The following NDST3 variants were observed in gnomAD, a reference collection of about 807,000 sequenced individuals.
NDST3 encodes the protein bifunctional heparan sulfate N-deacetylase/N-sulfotransferase 3.
Under a neutral mutation model 96.1 loss-of-function variants are expected in NDST3, and 58 were observed. The ratio of observed to expected loss-of-function variants is 0.60; its 90% CI spans 0.49 to 0.75. The LOEUF (loss-of-function observed/expected upper bound fraction) is 0.75, where lower values mean the gene tolerates loss of function less well. NDST3 is among the 30% of genes least tolerant of loss of function. The pLI is 0.00. For missense variants in NDST3, 788 were observed against 1,034.2 expected (o/e 0.76, Z 3.27); for synonymous variants, 333 against 359.7 (o/e 0.93, Z 0.84).
chr4:118,165,435 TTGAGA>T (rs1735486136), intron 6 of NDST3, among the ~76,000 whole-genome samples: 1 of 152,076 alleles, frequency 6.6e-6, no homozygotes, highest in Non-Finnish European at 1.5e-5. Context: ...GTAATAATCA[TTGAGA>T]TAACTGAAGG....
intron 3 of NDST3, among the ~76,000 whole-genome samples, chr4:118,111,525 T>C (rs925797860): frequency 1.4e-4 from 19 of 131,826 alleles, no homozygotes; most frequent in Non-Finnish European, 2.6e-4. Context: ...TCAACTAATT[T>C]TTAATCATGA....
intron 2 of NDST3, among the ~76,000 whole-genome samples, chr4:118,078,051 G>C (rs148101191): frequency 6.6e-6 from 1 of 152,174 alleles, no homozygotes; most frequent in Admixed American, 6.5e-5. Flanking sequence ...GGGATGGAGC[G>C]GGCATGGAGG....
At chr4:118,252,407 A>G (rs536078059) in intron 12 of NDST3, among the ~76,000 whole-genome samples, 17 of 152,322 alleles carry the variant, frequency 1.1e-4, no homozygotes, top group African/African-American at 4.1e-4. Flanking sequence ...TTTGTGTTCA[A>G]CTAATACTTG....
intron 2 of NDST3, among the ~76,000 whole-genome samples, chr4:118,070,222 T>C (rs1024072349): frequency 1.3e-5 from 2 of 152,106 alleles, no homozygotes; most frequent in African/African-American, 4.8e-5. Flanking sequence ...TCTAACTCTG[T>C]GAAATTCTTT....
chr4:118,177,389 C>G (rs1362591123), intron 6 of NDST3, among the ~76,000 whole-genome samples: 3 of 152,032 alleles, frequency 2.0e-5, no homozygotes. Context: ...AAATCAAATG[C>G]AAAAGCATCC....
At chr4:118,110,877 A>G (rs1730578380) in intron 3 of NDST3, among the ~76,000 whole-genome samples, 1 of 152,194 alleles carries the variant, frequency 6.6e-6, no homozygotes, top group South Asian at 2.1e-4. Context: ...TGTTCACTAC[A>G]GCACTATTCA....
intron 1 of NDST3, among the ~76,000 whole-genome samples, chr4:118,047,273 G>A (rs531617811): frequency 2.0e-5 from 3 of 152,282 alleles, no homozygotes; most frequent in South Asian, 2.1e-4. Context: ...CTCAAATTAC[G>A]TCATTGTTAA....
intron 12 of NDST3, among the ~76,000 whole-genome samples, chr4:118,242,921 T>C (rs565905666): frequency 4.0e-4 from 61 of 152,262 alleles, no homozygotes; most frequent in Middle Eastern, 3.4e-3. Flanking sequence ...TAGTGCTGAC[T>C]CTGGGCTTCA....
At chr4:118,161,023 G>C (rs1735079206) in intron 6 of NDST3, among the ~76,000 whole-genome samples, 1 of 152,098 alleles carries the variant, frequency 6.6e-6, no homozygotes, top group Admixed American at 6.6e-5. Context: ...GGTCTTTGAT[G>C]ATGGTGATGT....
intron 4 of NDST3, among the ~76,000 whole-genome samples, chr4:118,137,481 T>C (rs1027017501): frequency 1.3e-5 from 2 of 152,178 alleles, no homozygotes; most frequent in African/African-American, 4.8e-5. Context: ...AAAATTACTC[T>C]GTTGAATTTT....
At chr4:118,222,204 A>G (rs1040353987) in intron 6 of NDST3, among the ~76,000 whole-genome samples, 3 of 152,000 alleles carry the variant, frequency 2.0e-5, no homozygotes, top group Non-Finnish European at 2.9e-5. Flanking sequence ...AGGTCAGTAC[A>G]CAGGTAAGGA....
chr4:118,098,931 G>C (rs1336757294), intron 2 of NDST3, among the ~76,000 whole-genome samples: 1 of 152,000 alleles, frequency 6.6e-6, no homozygotes, highest in Non-Finnish European at 1.5e-5. Context: ...ATGTTTTCAT[G>C]TGAGTAACAG....
In NDST3 at chr4:118,240,649, T is replaced by C. The variant is rs773530261; in HGVS notation, c.2244T>C (p.Tyr748=). The change falls in exon 11 of 14, where the codon TAT becomes TAC. Residue 748 remains tyrosine, a synonymous_variant. Coordinates refer to ENST00000296499, the MANE Select transcript of NDST3 (RefSeq NM_004784.3). ...LQKRCLVPGW[Y]ASHIERWLVY... is the part of the protein sequence containing the mutation. ...AGAGATGTTTGGTCCCGGGGTGGTATGCCAGCCACATCGAGAGATGGCTTG... is the reference window on the plus strand; with the variant it reads ...AGAGATGTTTGGTCCCGGGGTGGTACGCCAGCCACATCGAGAGATGGCTTG... 12 of 1,613,832 alleles carry C rather than the reference T, an allele frequency of 7.4e-6. No homozygotes were observed. Among genetic ancestry groups the C allele is most frequent in the Middle Eastern group, 3.3e-4 (2 of 5,998 alleles).
chr4:118,232,621 T>A (rs1740376307), intron 8 of NDST3, among the ~76,000 whole-genome samples: 1 of 141,222 alleles, frequency 7.1e-6, no homozygotes, highest in Non-Finnish European at 1.5e-5. Flanking sequence ...CTGGGCAATA[T>A]AGTAAGATGC....
rs1725233855 is a variant in NDST3, at chr4:118,053,761, A to G, written c.-150A>G. On this transcript the variant is annotated 5_prime_UTR_variant, in exon 2 of 14. Coordinates refer to ENST00000296499, the MANE Select transcript of NDST3 (RefSeq NM_004784.3). ...TATTCTTTTCTATTTTTCAGACTGT[A>G]TTTTCTGTGAGTCCTGATCAAGTGA... is the stretch of plus-strand genomic sequence containing the variant. The G allele has an allele frequency of 1.3e-6, 1 of 780,646 alleles. No homozygotes were observed. Among genetic ancestry groups the G allele is most frequent in the East Asian group, 2.7e-5 (1 of 37,016 alleles). 48.4% of individuals were successfully genotyped at this position (780,646 alleles called of 1,614,324 possible).
chr4:118,197,376 T>C (rs563997459), intron 6 of NDST3, among the ~76,000 whole-genome samples: 4 of 152,304 alleles, frequency 2.6e-5, no homozygotes, highest in African/African-American at 9.6e-5. Context: ...ATTTTCTGTC[T>C]AGAAGATTGA....
chr4:118,063,439 T>A (rs928230266), intron 2 of NDST3, among the ~76,000 whole-genome samples: 4 of 152,178 alleles, frequency 2.6e-5, no homozygotes, highest in Admixed American at 6.5e-5. Flanking sequence ...ATGAAACACA[T>A]TTTTGATAAA....
At chr4:118,184,602 TACACACAC>T (rs562099266) in intron 6 of NDST3, among the ~76,000 whole-genome samples, 51 of 138,570 alleles carry the variant, frequency 3.7e-4, no homozygotes, top group East Asian at 1.3e-3. Context: ...TCTCTCTCTC[TACACACAC>T]ACACACACAC....
intron 6 of NDST3, among the ~76,000 whole-genome samples, chr4:118,146,813 T>C (rs1431573093): frequency 1.3e-5 from 2 of 152,126 alleles, no homozygotes; most frequent in African/African-American, 2.4e-5. Flanking sequence ...TTAGATCCAT[T>C]TGGGGGAGGT....
Sources: gnomAD v4.1 joint callset for allele counts (sites outside exome capture counted in the v4.1 genomes callset) on GRCh38, gnomAD v4.1.1 for gene constraint, MANE v1.5 for transcripts, NCBI Gene and HGNC (gene_info 2026-07-23, HGNC 2026-07-21) for gene names.